Variants in PCDH9 observed in about 807,000 individuals in gnomAD.
PCDH9 encodes the protein protocadherin 9.
In PCDH9, 24 loss-of-function variants were observed where a neutral mutation model predicts 70.6. The observed-to-expected ratio is 0.34, with a 90% CI of 0.25 to 0.48. The LOEUF (loss-of-function observed/expected upper bound fraction) is 0.48, where lower values mean the gene tolerates loss of function less well. Ranked by LOEUF, PCDH9 falls within the 20% of genes least tolerant of loss-of-function variation. The pLI is 0.99. For synonymous variants in PCDH9, 562 were observed against 558.5 expected (o/e 1.01, Z -0.09); for missense variants, 1,281 against 1,503.6 (o/e 0.85, Z 2.45).
chr13:66,755,959 T>C (rs938906525), intron 3 of PCDH9, among the ~76,000 whole-genome samples: 1 of 152,072 alleles, frequency 6.6e-6, no homozygotes, highest in African/African-American at 2.4e-5. Context: ...TTTGCATCCC[T>C]TAGAGCTCTC....
At chr13:66,612,439 T>G (rs1019754529) in intron 4 of PCDH9, among the ~76,000 whole-genome samples, 7 of 152,314 alleles carry the variant, frequency 4.6e-5, no homozygotes, top group African/African-American at 1.7e-4. Context: ...AATTCTAATG[T>G]TGTAATGTGG....
rs766656026 is a variant in PCDH9, at chr13:66,505,863, A to G, written c.3340+125347T>C. Among the ~76,000 whole-genome samples the G allele has an allele frequency of 3.8e-4, 57 of 151,896 alleles. 1 individual carries two copies. The highest frequency in any genetic ancestry group is 7.4e-5 in the Non-Finnish European group (5 of 67,988). On this transcript the variant is annotated intron_variant, in intron 4 of 4. Transcript: ENST00000377865. The stretch of plus-strand genomic sequence containing the variant: ...GGTATTGCTATGCTGCCGAGGCTGG[A>G]CTCAAACTCCTGGGCTCAAGCAATC...
chr13:66,769,880 A>G (rs2079778656), intron 3 of PCDH9, among the ~76,000 whole-genome samples: 2 of 152,062 alleles, frequency 1.3e-5, no homozygotes, highest in African/African-American at 2.4e-5. Context: ...GGTTTTTATT[A>G]GGGGCTGGGA....
Position 66,374,798 on chromosome 13 carries a change from A to T in PCDH9, c.3341-69770T>A, listed in dbSNP as rs148368236. Among the ~76,000 whole-genome samples, 601 of 152,190 alleles carry T rather than the reference A, an allele frequency of 3.9e-3. 3 individuals are homozygous for T. Among genetic ancestry groups the T allele is most frequent in the African/African-American group, 0.014 (572 of 41,548 alleles). ...GTCACTAACTGCAGGGTATATGTCT[A>T]TAAAACAGAATATATTCCTTTGTTG... On this transcript the variant is annotated intron_variant, in intron 4 of 4. Coordinates refer to ENST00000377865, the MANE Select transcript of PCDH9 (RefSeq NM_203487.3).
At position 66,559,833 on chromosome 13, in the gene PCDH9, T is replaced by TACACAC. The variant is rs56660850; in HGVS notation, c.3340+71371_3340+71376dup. On this transcript the variant is annotated intron_variant, in intron 4 of 4. Coordinates refer to ENST00000377865, the MANE Select transcript of PCDH9 (RefSeq NM_203487.3). ...AAAAAAAAAAATATATATATATATATACACACACACACACACACACACACA... is the reference window on the plus strand; with the variant it reads ...AAAAAAAAAAATATATATATATATATACACACACACACACACACACACACACACACA... Among the ~76,000 whole-genome samples, 137 of 87,116 alleles carry TACACAC rather than the reference T, an allele frequency of 1.6e-3. 2 individuals carry two copies. Among genetic ancestry groups the TACACAC allele is most frequent in the African/African-American group, 2.7e-3 (65 of 24,012 alleles). The allele number at this position is 87,116 out of a possible 152,430, so 57.2% of individuals were successfully genotyped here.
intron 3 of PCDH9, among the ~76,000 whole-genome samples, chr13:66,770,524 C>A (rs147937328): frequency 6.6e-6 from 1 of 152,162 alleles, no homozygotes; most frequent in African/African-American, 2.4e-5. Context: ...AGTAGGCTAA[C>A]CTTTTTAGAC....
intron 2 of PCDH9, among the ~76,000 whole-genome samples, chr13:67,033,072 C>G (rs2084938089): frequency 6.6e-6 from 1 of 151,986 alleles, no homozygotes; most frequent in African/African-American, 2.4e-5. Flanking sequence ...GCCTTTCTAT[C>G]TACTTTCTCT....
At chr13:66,679,042 A>G (rs1434695123) in intron 3 of PCDH9, among the ~76,000 whole-genome samples, 1 of 151,628 alleles carries the variant, frequency 6.6e-6, no homozygotes, top group Non-Finnish European at 1.5e-5. Context: ...ATTTTGAATG[A>G]GTGCTTATAT....
chr13:66,788,084 C>A (rs1182320396), intron 3 of PCDH9, among the ~76,000 whole-genome samples: 6 of 152,104 alleles, frequency 3.9e-5, no homozygotes, highest in Non-Finnish European at 8.8e-5. Context: ...GTTGCTAGAA[C>A]AAATACCTTG....
chr13:66,817,555 C>T (rs541017950), intron 3 of PCDH9, among the ~76,000 whole-genome samples: 1 of 152,128 alleles, frequency 6.6e-6, no homozygotes, highest in South Asian at 2.1e-4. Context: ...AATACTTAGA[C>T]TTTCTTAGTA....
At chr13:66,622,917 T>C (rs1258854128) in intron 4 of PCDH9, among the ~76,000 whole-genome samples, 1 of 152,164 alleles carries the variant, frequency 6.6e-6, no homozygotes, top group Non-Finnish European at 1.5e-5. Flanking sequence ...GTCTGCAGCT[T>C]CACTCCTGAA....
At chr13:66,796,979 G>A (rs79036625) in intron 3 of PCDH9, among the ~76,000 whole-genome samples, 4 of 152,092 alleles carry the variant, frequency 2.6e-5, no homozygotes, top group African/African-American at 9.7e-5. Context: ...ATTATAAGAG[G>A]TGAGAAAACA....
chr13:66,977,548 A>AT (rs1187428604), intron 2 of PCDH9: 14 of 152,202 alleles, frequency 9.2e-5, no homozygotes, highest in African/African-American at 3.4e-4. Flanking sequence ...AAGGGATATT[A>AT]TTGTCTACAT....
intron 2 of PCDH9, among the ~76,000 whole-genome samples, chr13:67,074,764 T>C (rs2085844121): frequency 6.6e-6 from 1 of 152,152 alleles, no homozygotes. Flanking sequence ...ATTTATAATC[T>C]CTAACCAAAC....
intron 3 of PCDH9, among the ~76,000 whole-genome samples, chr13:66,901,998 C>T (rs777633033): frequency 6.6e-6 from 1 of 151,504 alleles, no homozygotes; most frequent in Non-Finnish European, 1.5e-5. Context: ...GTACTATTTA[C>T]CTTAATCTTT....
chr13:67,153,489 T>C (rs779195407), intron 2 of PCDH9, among the ~76,000 whole-genome samples: 15 of 152,182 alleles, frequency 9.9e-5, no homozygotes, highest in South Asian at 4.1e-4. Flanking sequence ...TAAAAACAAG[T>C]ATCTTATAGC....
intron 4 of PCDH9, among the ~76,000 whole-genome samples, chr13:66,337,940 A>G (rs906767158): frequency 5.3e-5 from 8 of 152,054 alleles, no homozygotes; most frequent in Admixed American, 1.3e-4. Flanking sequence ...ATACACTACA[A>G]TGAGGGTGGA....
chr13:67,142,039 G>T (rs771373617), intron 2 of PCDH9, among the ~76,000 whole-genome samples: 2 of 152,068 alleles, frequency 1.3e-5, no homozygotes, highest in Non-Finnish European at 2.9e-5. Context: ...TACTGTGGTG[G>T]TGTTGGTGAC....
intron 2 of PCDH9, among the ~76,000 whole-genome samples, chr13:67,031,582 C>G (rs913415807): frequency 1.3e-4 from 20 of 152,108 alleles, no homozygotes; most frequent in Admixed American, 5.2e-4. Context: ...ACTAGGGAGG[C>G]TGAGGCAGGA....
Sources: gnomAD v4.1 joint callset for allele counts (sites outside exome capture counted in the v4.1 genomes callset) on GRCh38, gnomAD v4.1.1 for gene constraint, MANE v1.5 for transcripts, NCBI Gene and HGNC (gene_info 2026-07-23, HGNC 2026-07-21) for gene names.